The following SCN11A variants were observed in gnomAD, a reference collection of about 807,000 sequenced individuals.
SCN11A encodes sodium channel protein type 11 subunit alpha.
Under a neutral mutation model 162.2 loss-of-function variants are expected in SCN11A, and 122 were observed. The ratio of observed to expected loss-of-function variants is 0.75; its 90% CI spans 0.65 to 0.87. The LOEUF (loss-of-function observed/expected upper bound fraction) is 0.87. Among genes scored for constraint, SCN11A ranks in the 40% least tolerant of loss-of-function variants. SCN11A has a pLI of 0.00. For synonymous variants in SCN11A, 758 were observed against 751.5 expected (o/e 1.01, Z -0.14); for missense variants, 2,015 against 2,181.6 (o/e 0.92, Z 1.52).
intron 1 of SCN11A, among the ~76,000 whole-genome samples, chr3:39,039,140 A>G (rs555658425): frequency 6.6e-6 from 1 of 152,324 alleles, no homozygotes; most frequent in East Asian, 1.9e-4. Context: ...TGACATGGAA[A>G]ATGGTCAGAT....
At chr3:39,030,562 T>C (rs1489393498) in intron 2 of SCN11A, among the ~76,000 whole-genome samples, 1 of 152,214 alleles carries the variant, frequency 6.6e-6, no homozygotes, top group South Asian at 2.1e-4. Flanking sequence ...AGTTACGTTT[T>C]CTATCATTTT....
intron 2 of SCN11A, among the ~76,000 whole-genome samples, chr3:38,979,785 C>A (rs541189933): frequency 3.5e-4 from 53 of 152,176 alleles, no homozygotes; most frequent in Non-Finnish European, 7.1e-4. Context: ...CTAATGGATT[C>A]TCTAACAGGC....
chr3:38,938,346 A>G (rs2066370909), intron 7 of SCN11A, among the ~76,000 whole-genome samples: 1 of 151,260 alleles, frequency 6.6e-6, no homozygotes, highest in African/African-American at 2.4e-5. Flanking sequence ...TAACCTGCAC[A>G]TTGTGCACAT....
chr3:38,917,977 C>T (rs993513180), intron 11 of SCN11A, among the ~76,000 whole-genome samples: 4 of 152,186 alleles, frequency 2.6e-5, no homozygotes, highest in African/African-American at 7.2e-5. Context: ...CTTTCCCCAC[C>T]ACTCTCTATT....
intron 7 of SCN11A, among the ~76,000 whole-genome samples, chr3:38,935,705 T>C (rs1003670060): frequency 2.0e-5 from 3 of 152,104 alleles, no homozygotes; most frequent in Non-Finnish European, 2.9e-5. Flanking sequence ...AATAGACCAA[T>C]AACAGGCTCT....
rs545045542 is a variant in SCN11A at position 38,845,791 on chromosome 3, T to C, written c.*903A>G. On this transcript the variant is annotated 3_prime_UTR_variant, in exon 30 of 30. Coordinates refer to ENST00000302328, the MANE Select transcript of SCN11A (RefSeq NM_001349253.2). ...AAAGGAACACAAACAGAAAGCTTTA[T>C]TGAATTTATATATATATATATATCT... 2.0e-3 allele frequency: 223 copies of C among 112,182 alleles called. No individual in the cohort carries two copies. The highest frequency in any genetic ancestry group is 8.5e-3 in the African/African-American group (206 of 24,296). The allele number at this position is 112,182 out of a possible 1,614,324, so 6.9% of individuals were successfully genotyped here.
rs537204910 is a variant in SCN11A, at chr3:38,887,789, A to G, written c.2836-1551T>C. Reference sequence around the variant, plus strand: ...AGCCGGACGGATCCTTTTGCTGGTTACAGTCACATCTTGGGTGAATGTTTT... The same window carrying G: ...AGCCGGACGGATCCTTTTGCTGGTTGCAGTCACATCTTGGGTGAATGTTTT... On this transcript the variant is annotated intron_variant, in intron 19 of 29. Transcript: ENST00000302328. Among the ~76,000 whole-genome samples the G allele has an allele frequency of 3.9e-5, 6 of 152,296 alleles. No individual in the cohort carries two copies. The East Asian group carries it at 1.2e-3, about 29-fold the overall frequency.
chr3:38,996,461 G>A (rs2030634636), intron 2 of SCN11A, among the ~76,000 whole-genome samples: 1 of 152,160 alleles, frequency 6.6e-6, no homozygotes, highest in East Asian at 1.9e-4. Flanking sequence ...CCCAGACTTC[G>A]TGATTAGGTG....
At chr3:38,875,951 C>A (rs1243787664) in intron 23 of SCN11A, among the ~76,000 whole-genome samples, 5 of 152,038 alleles carry the variant, frequency 3.3e-5, no homozygotes, top group African/African-American at 1.2e-4. Context: ...CATTTTCAGA[C>A]CTCTAACTGT....
intron 1 of SCN11A, among the ~76,000 whole-genome samples, chr3:39,048,008 C>T (rs1044711180): frequency 3.3e-5 from 5 of 152,160 alleles, no homozygotes; most frequent in Non-Finnish European, 7.3e-5. Context: ...TATGATCCAG[C>T]AATCCCACTA....
At chr3:38,927,072 C>T in intron 7 of SCN11A, 141 bp from the exon 8 acceptor site, 1 of 743,424 alleles carries the variant, frequency 1.3e-6, no homozygotes, top group Non-Finnish European at 2.2e-6. Flanking sequence ...AACCAGAGTT[C>T]AAAAATGCAA....
chr3:39,038,981 G>A (rs1368980287), intron 1 of SCN11A, among the ~76,000 whole-genome samples: 1 of 152,088 alleles, frequency 6.6e-6, no homozygotes, highest in African/African-American at 2.4e-5. Flanking sequence ...CATTTCTAAG[G>A]GATCCAAGCA....
intron 12 of SCN11A, 31 bp from the exon 13 acceptor site, chr3:38,909,225 C>A: frequency 6.2e-7 from 1 of 1,606,136 alleles, no homozygotes; most frequent in Non-Finnish European, 8.5e-7. Flanking sequence ...TCTTGAATAT[C>A]AAACCTTCTT....
At chr3:38,919,862 G>A (rs2066016900) in intron 11 of SCN11A, 73 bp downstream of exon 11, 4 of 1,057,582 alleles carry the variant, frequency 3.8e-6, no homozygotes, top group Non-Finnish European at 5.9e-6. Flanking sequence ...AGTCATTAAA[G>A]ACTGTTTGCC....
chr3:39,010,145 T>G (rs2031086001), intron 2 of SCN11A, among the ~76,000 whole-genome samples: 1 of 152,068 alleles, frequency 6.6e-6, no homozygotes, highest in Non-Finnish European at 1.5e-5. Context: ...TAATAACTAA[T>G]TCTAAAAAGA....
At chr3:38,895,604 CTT>C (rs1024678720) in intron 18 of SCN11A, among the ~76,000 whole-genome samples, 1 of 152,164 alleles carries the variant, frequency 6.6e-6, no homozygotes, top group African/African-American at 2.4e-5. Context: ...CCTCAAATTC[CTT>C]TGTTTGTGGC....
chr3:38,937,097 A>G (rs1488815952), intron 7 of SCN11A, among the ~76,000 whole-genome samples: 11 of 152,098 alleles, frequency 7.2e-5, no homozygotes, highest in Non-Finnish European at 1.6e-4. Context: ...TCTTTGACAA[A>G]CCTGACAAAA....
intron 7 of SCN11A, among the ~76,000 whole-genome samples, chr3:38,929,988 T>A (rs1452266665): frequency 6.6e-6 from 1 of 152,190 alleles, no homozygotes; most frequent in African/African-American, 2.4e-5. Context: ...TATCACAACA[T>A]AAAATTGACT....
chr3:39,020,666 T>A (rs577626260), intron 2 of SCN11A, among the ~76,000 whole-genome samples: 78 of 152,362 alleles, frequency 5.1e-4, no homozygotes, highest in African/African-American at 1.7e-3. Flanking sequence ...TCATTTTTTA[T>A]GCACCCTGGA....
Sources: gnomAD v4.1 joint callset for allele counts (sites outside exome capture counted in the v4.1 genomes callset) on GRCh38, gnomAD v4.1.1 for gene constraint, MANE v1.5 for transcripts, NCBI Gene and HGNC (gene_info 2026-07-23, HGNC 2026-07-21) for gene names.